The following PRDM10 variants were observed in gnomAD, a reference collection of about 807,000 sequenced individuals.
PRDM10 encodes the protein PR domain zinc finger protein 10.
PRDM10 carries 65 observed loss-of-function variants against 133.1 expected under a neutral mutation model. The observed-to-expected ratio is 0.49, with a 90% confidence interval of 0.40 to 0.60. The LOEUF (loss-of-function observed/expected upper bound fraction) is 0.60, where lower values mean the gene tolerates loss of function less well. Ranked by LOEUF, PRDM10 falls within the 20% of genes least tolerant of loss-of-function variation. The pLI is 0.00. For synonymous variants in PRDM10, 582 were observed against 580.4 expected (o/e 1.00, Z -0.04); for missense variants, 1,137 against 1,507.1 (o/e 0.75, Z 4.07).
At chr11:129,933,325 A>C (rs1180863932) in intron 9 of PRDM10, among the ~76,000 whole-genome samples, 1 of 152,130 alleles carries the variant, frequency 6.6e-6, no homozygotes, top group African/African-American at 2.4e-5. Flanking sequence ...CCCAATTCCA[A>C]CATTTTTCAA....
At chr11:129,934,968 C>T (rs911419386) in intron 9 of PRDM10, 133 bp downstream of exon 9, 43 of 653,434 alleles carry the variant, frequency 6.6e-5, no homozygotes, top group South Asian at 1.3e-4. Flanking sequence ...CAGGTAACAC[C>T]GTTCCCTCAG....
At chr11:129,955,121 G>T (rs374687732) in intron 4 of PRDM10, among the ~76,000 whole-genome samples, 3 of 151,214 alleles carry the variant, frequency 2.0e-5, no homozygotes, top group Non-Finnish European at 2.9e-5. Context: ...AGGAAAATTG[G>T]AACCAAATTT....
chr11:129,970,717 T>C (rs1952002133), intron 1 of PRDM10, among the ~76,000 whole-genome samples: 1 of 152,058 alleles, frequency 6.6e-6, no homozygotes, highest in African/African-American at 2.4e-5. Context: ...GGTAACTTTT[T>C]GTATTTTTAG....
At position 129,917,120 on chromosome 11, in the gene PRDM10, CT is replaced by C; in HGVS notation, c.2325+6del. 1.3e-6 allele frequency: 2 copies of C among 1,594,804 alleles called. No homozygotes were observed. Among genetic ancestry groups the C allele is most frequent in the Non-Finnish European group, 8.6e-7 (1 of 1,162,960 alleles). On this transcript the variant is annotated splice_donor_region_variant and intron_variant, in intron 15 of 20. Coordinates refer to ENST00000360871, the MANE Select transcript of PRDM10 (RefSeq NM_199437.2). ...GTGGCATACCAATATGAATATTTCC[CT>C]TTTACCTTATCGCAATACTGACAAA...
Position 129,918,826 on chromosome 11 carries a change from C to A in PRDM10, c.2035-108G>T. 8.6e-7 allele frequency: 1 copy of A among 1,159,194 alleles called. No individual in the cohort carries two copies. Among genetic ancestry groups the A allele is most frequent in the Non-Finnish European group, 1.2e-6 (1 of 813,334 alleles). 71.8% of individuals were successfully genotyped at this position (1,159,194 alleles called of 1,614,324 possible). A position where few individuals can be genotyped will look rare whatever the true frequency, so the allele number is the denominator to read the frequency against. ...CAAATTAGCAGTCACCACAAGCCTC[C>A]AAGAGACATTTGAGTTGCTGGAACA... On this transcript the variant is annotated intron_variant, in intron 13 of 20. Transcript: ENST00000360871. The surrounding 1 kb of genome is among the most constrained non-coding windows in gnomAD (Gnocchi z 5.3).
At chr11:129,938,964 C>A (rs899885365) in intron 7 of PRDM10, among the ~76,000 whole-genome samples, 1 of 152,190 alleles carries the variant, frequency 6.6e-6, no homozygotes, top group Non-Finnish European at 1.5e-5. Context: ...GTTTCACCCC[C>A]ACAAGTGCTG....
intron 1 of PRDM10, among the ~76,000 whole-genome samples, chr11:129,996,080 T>C (rs1939051239): frequency 6.6e-6 from 1 of 152,258 alleles, no homozygotes; most frequent in African/African-American, 2.4e-5. Flanking sequence ...TCATTTATAC[T>C]GCATTCTACG....
At chr11:129,912,353 C>G in intron 17 of PRDM10, 128 bp from the exon 18 acceptor site, 1 of 1,086,042 alleles carries the variant, frequency 9.2e-7, no homozygotes, top group East Asian at 3.1e-5. Context: ...GCCTATAAAC[C>G]CAGCAGTTTG....
At chr11:129,948,844 G>A (rs145124629) in intron 4 of PRDM10, among the ~76,000 whole-genome samples, 68 of 152,198 alleles carry the variant, frequency 4.5e-4, no homozygotes, top group East Asian at 3.9e-3. Flanking sequence ...TAGTGTTTAC[G>A]TTGGCCACGT....
chr11:129,936,435 T>C (rs980290009), intron 8 of PRDM10, among the ~76,000 whole-genome samples: 2 of 152,052 alleles, frequency 1.3e-5, no homozygotes, highest in Non-Finnish European at 2.9e-5. Context: ...AGGCAGATCA[T>C]GAAGTCAGGA....
intron 9 of PRDM10, among the ~76,000 whole-genome samples, chr11:129,933,982 C>T (rs953135929): frequency 6.6e-6 from 1 of 152,328 alleles, no homozygotes; most frequent in East Asian, 1.9e-4. Flanking sequence ...TTCAATCCTT[C>T]CGGTGCTTTC....
intron 7 of PRDM10, 27 bp downstream of exon 7, chr11:129,942,399 A>C: frequency 6.3e-7 from 1 of 1,595,140 alleles, no homozygotes; most frequent in Non-Finnish European, 8.6e-7. Context: ...GCTAGCAAAT[A>C]GCAGCACGGG....
intron 11 of PRDM10, among the ~76,000 whole-genome samples, chr11:129,928,805 G>A (rs1324716026): frequency 1.3e-5 from 2 of 152,106 alleles, no homozygotes; most frequent in Non-Finnish European, 2.9e-5. Flanking sequence ...TCCTTCCACT[G>A]CACCCCTGCT....
rs201184102 is a variant in PRDM10 at position 129,931,568 on chromosome 11, T to TA, written c.1288-311_1288-310insT. On this transcript the variant is annotated intron_variant, in intron 10 of 20. Transcript: ENST00000360871. ...ATTTATTTATTTATTTTTATTTTAT[T>TA]TTATTTTATTTTTTTTTTGAGACGG... 8.2e-3 allele frequency among the ~76,000 whole-genome samples: 1,001 copies of TA among 122,758 alleles called. 11 individuals carry two copies. The highest frequency in any genetic ancestry group is 0.031 in the African/African-American group (955 of 30,732). 80.5% of individuals were successfully genotyped at this position (122,758 alleles called of 152,430 possible).
chr11:129,985,790 AAAAAAAAAAAAAAAAAAAAAT>A (rs1307705054), intron 1 of PRDM10, among the ~76,000 whole-genome samples: 15 of 106,664 alleles, frequency 1.4e-4, no homozygotes, highest in Non-Finnish European at 2.5e-4. Flanking sequence ...CAAAAAAAAA[AAAAAAAAAAAAAAAAAAAAAT>A]ATATATATAT....
At chr11:129,953,749 TC>T (rs1482641750) in intron 4 of PRDM10, among the ~76,000 whole-genome samples, 2 of 150,488 alleles carry the variant, frequency 1.3e-5, no homozygotes, top group Non-Finnish European at 3.0e-5. Flanking sequence ...ATCTTCTGTC[TC>T]TACCATTTGT....
chr11:129,950,381 C>T (rs547328472), intron 4 of PRDM10, among the ~76,000 whole-genome samples: 4 of 152,336 alleles, frequency 2.6e-5, no homozygotes, highest in South Asian at 2.1e-4. Flanking sequence ...AAACTGCATC[C>T]GCACACTTAA....
rs1157512311 is a variant in PRDM10, at chr11:129,955,530, C to T, written c.276G>A (p.Gln92=). 1 of 1,614,054 alleles carries T rather than the reference C, an allele frequency of 6.2e-7. No homozygotes were observed. The highest frequency in any genetic ancestry group is 8.5e-7 in the Non-Finnish European group (1 of 1,179,974). ...TCGTTACCTGCTGAGCTGTAGCATC[C>T]TGTTGGACATAAGCTACCTGGCCGG... is the stretch of plus-strand genomic sequence containing the variant. The part of the protein sequence containing the change: ...TDPGQVAYVQ[Q]DATAQQASLP... Residue 92 remains glutamine (Q), a synonymous_variant, in exon 4 of 21, where the codon CAG becomes CAA. Coordinates refer to ENST00000360871, the MANE Select transcript of PRDM10 (RefSeq NM_199437.2).
chr11:129,964,655 T>C (rs1177082113), intron 1 of PRDM10, among the ~76,000 whole-genome samples: 1 of 152,270 alleles, frequency 6.6e-6, no homozygotes, highest in East Asian at 1.9e-4. Flanking sequence ...TCATTACAGC[T>C]GCATATTTTT....
Sources: gnomAD v4.1 joint callset for allele counts (sites outside exome capture counted in the v4.1 genomes callset) on GRCh38, gnomAD v4.1.1 for gene constraint, Gnocchi (gnomAD v3.1) non-coding constraint, MANE v1.5 for transcripts, NCBI Gene and HGNC (gene_info 2026-07-23, HGNC 2026-07-21) for gene names.